EPS15L1: variants seen among roughly 807,000 people sequenced by gnomAD.
EPS15L1 encodes epidermal growth factor receptor pathway substrate 15 like 1, also known as epidermal growth factor receptor substrate 15-like 1.
Under a neutral mutation model 117.1 loss-of-function variants are expected in EPS15L1, and 43 were observed. That is an observed-to-expected ratio of 0.37 (90% CI 0.29 to 0.47). The LOEUF (loss-of-function observed/expected upper bound fraction) is 0.47, where lower values mean the gene tolerates loss of function less well. Ranked by LOEUF, EPS15L1 falls within the 20% of genes least tolerant of loss-of-function variation. EPS15L1 has a pLI of 0.99. For synonymous variants in EPS15L1, 459 were observed against 470.5 expected, an observed-to-expected ratio of 0.98 and a Z score of 0.32; for missense variants, 981 against 1,164.0, an observed-to-expected ratio of 0.84 and a Z score of 2.29.
At position 16,403,881 on chromosome 19, in the gene EPS15L1, G is replaced by T. The variant is rs758639737; in HGVS notation, c.1478C>A (p.Ser493Tyr). The T allele has an allele frequency of 6.2e-7, 1 of 1,614,114 alleles. No individual in the cohort carries two copies. ...QIQSQESDLK[S>Y]QEDDLNRAKS... ...GGCTCGGTTCAGATCGTCTTCCTGG[G>T]ACTTTAAGTCAGATTCCTGAGATTG... The change falls in exon 15 of 24, where the codon TCC becomes TAC. Residue 493 changes from serine to tyrosine, a missense_variant. Ser to Tyr is a moderately radical substitution (Grantham distance 144, BLOSUM62 -2). Coordinates refer to ENST00000455140, the MANE Select transcript of EPS15L1 (RefSeq NM_001258374.3).
intron 19 of EPS15L1, among the ~76,000 whole-genome samples, chr19:16,389,355 G>A (rs951805124): frequency 7.9e-5 from 12 of 152,078 alleles, no homozygotes; most frequent in East Asian, 5.8e-4. Flanking sequence ...TTGGGAGGAT[G>A]AGGTGGGAGA....
At chr19:16,361,517 G>T in intron 23 of EPS15L1, 1 of 1,092,008 alleles carries the variant, frequency 9.2e-7, no homozygotes, top group Non-Finnish European at 1.2e-6. Flanking sequence ...TACCGTGAAG[G>T]ACAGATAGGT....
chr19:16,385,857 G>A (rs896244224), intron 20 of EPS15L1, among the ~76,000 whole-genome samples: 1 of 152,210 alleles, frequency 6.6e-6, no homozygotes, highest in African/African-American at 2.4e-5. Context: ...ATTTCTTTTA[G>A]GGAAAAAACC....
intron 16 of EPS15L1, among the ~76,000 whole-genome samples, chr19:16,399,614 T>C (rs1345251870): frequency 1.3e-5 from 2 of 151,964 alleles, no homozygotes; most frequent in Non-Finnish European, 2.9e-5. Context: ...GTGTAAACAG[T>C]CTCATCATGG....
At chr19:16,449,624 G>A (rs542931667) in intron 1 of EPS15L1, among the ~76,000 whole-genome samples, 24 of 152,224 alleles carry the variant, frequency 1.6e-4, no homozygotes, top group African/African-American at 3.1e-4. Context: ...TGAAACTACC[G>A]CATGAACCAG....
At chr19:16,432,688 C>T (rs942098308) in intron 7 of EPS15L1, among the ~76,000 whole-genome samples, 1 of 151,874 alleles carries the variant, frequency 6.6e-6, no homozygotes, top group African/African-American at 2.4e-5. Flanking sequence ...AGGAGAATTG[C>T]TTGAACCTGG....
At chr19:16,380,192 G>A (rs1466370931) in intron 21 of EPS15L1, among the ~76,000 whole-genome samples, 1 of 137,722 alleles carries the variant, frequency 7.3e-6, no homozygotes, top group Non-Finnish European at 1.6e-5. Flanking sequence ...ACGTGGCCGT[G>A]TAAGGCTCCA....
chr19:16,375,200 G>A (rs73931906), intron 22 of EPS15L1, among the ~76,000 whole-genome samples: 5,176 of 152,316 alleles, frequency 0.034, 318 homozygotes, highest in African/African-American at 0.12. Context: ...CTGCATATGC[G>A]TACATGCAGG....
intron 1 of EPS15L1, among the ~76,000 whole-genome samples, chr19:16,450,898 T>C (rs74260253): frequency 0.024 from 3,659 of 152,170 alleles, 120 homozygotes; most frequent in Admixed American, 0.086. Context: ...CCAGATGCAA[T>C]ACTGTACCAC....
At chr19:16,427,319 C>T (rs1290341038) in intron 8 of EPS15L1, among the ~76,000 whole-genome samples, 1 of 152,116 alleles carries the variant, frequency 6.6e-6, no homozygotes, top group Non-Finnish European at 1.5e-5. Context: ...TTACAGGTTG[C>T]GTATCCCTTA....
chr19:16,447,381 A>C (rs2093094325), intron 1 of EPS15L1, among the ~76,000 whole-genome samples: 1 of 152,234 alleles, frequency 6.6e-6, no homozygotes, highest in African/African-American at 2.4e-5. Context: ...AGACATCTCA[A>C]TTAAAAATGA....
chr19:16,417,820 C>G (rs931496592), intron 11 of EPS15L1, 128 bp downstream of exon 11: 1 of 1,385,382 alleles, frequency 7.2e-7, no homozygotes, highest in Non-Finnish European at 9.9e-7. Flanking sequence ...CCGGGGGCCC[C>G]TGTTGAGGAA....
intron 22 of EPS15L1, 55 bp from the exon 23 acceptor site, chr19:16,362,039 C>G (rs2092062313): frequency 5.3e-6 from 8 of 1,501,116 alleles, no homozygotes; most frequent in Non-Finnish European, 7.1e-6. Context: ...GAGTTACTCA[C>G]CCGGACAGAG....
Position 16,372,771 on chromosome 19 carries a change from A to G in EPS15L1, c.2380+4351T>C, listed in dbSNP as rs1223578398. On this transcript the variant is annotated intron_variant, in intron 22 of 23. Transcript: ENST00000455140. ...CCCACACACCCACCTGCTAGGCCTG[A>G]GTGGGTCCCATGGTCAGGCAGGAAA... Among the ~76,000 whole-genome samples the G allele has an allele frequency of 2.0e-5, 3 of 152,224 alleles. 1 individual carries two copies. In the East Asian group the frequency reaches 5.8e-4, roughly 29 times the overall value.
At chr19:16,467,170 G>A (rs972626877) in intron 1 of EPS15L1, among the ~76,000 whole-genome samples, 2 of 149,486 alleles carry the variant, frequency 1.3e-5, no homozygotes, top group African/African-American at 4.9e-5. Context: ...TTTTTGAGAC[G>A]TAGTGTCACT....
At chr19:16,434,254 A>G (rs2092957690) in intron 7 of EPS15L1, 111 bp downstream of exon 7, 3 of 1,412,096 alleles carry the variant, frequency 2.1e-6, no homozygotes, top group Non-Finnish European at 2.9e-6. Context: ...CTGATGGCAC[A>G]GGGAGAAAAC....
chr19:16,412,793 G>C (rs991808019), intron 13 of EPS15L1: 6 of 442,618 alleles, frequency 1.4e-5, no homozygotes, highest in Non-Finnish European at 2.6e-5. Flanking sequence ...GGCATCTGGG[G>C]CTGGGGTCGC....
intron 3 of EPS15L1, chr19:16,441,629 CAAAAAA>C (rs369757727): frequency 5.2e-4 from 45 of 87,124 alleles, no homozygotes; most frequent in South Asian, 1.8e-3. Flanking sequence ...AACTCTGTCT[CAAAAAA>C]AAAAAAAAAA....
intron 3 of EPS15L1, chr19:16,441,281 G>C (rs2084583911): frequency 3.8e-6 from 1 of 263,246 alleles, no homozygotes. Context: ...GACCAGTCTG[G>C]CTAACACAGT....
Sources: allele counts gnomAD v4.1 joint callset (sites outside exome capture counted in the v4.1 genomes callset), GRCh38; gene constraint gnomAD v4.1.1; transcripts MANE v1.5; gene names NCBI Gene and HGNC (gene_info 2026-07-23, HGNC 2026-07-21).